Variants in CHD9 observed in about 807,000 individuals in gnomAD.
The protein encoded by CHD9 is ATP-dependent chromatin remodeler CHD9.
A neutral mutation model predicts 316.1 loss-of-function variants in CHD9; 77 were observed. The ratio of observed to expected loss-of-function variants is 0.24; its 90% confidence interval spans 0.20 to 0.29. The LOEUF (loss-of-function observed/expected upper bound fraction) is 0.29, where lower values mean the gene tolerates loss of function less well. Among genes scored for constraint, CHD9 ranks in the 10% least tolerant of loss-of-function variants. CHD9 has a pLI of 1.00. For missense variants in CHD9, 2,763 were observed against 3,438.1 expected (o/e 0.80, Z 4.91); for synonymous variants, 1,129 against 1,158.3 (o/e 0.97, Z 0.51).
chr16:53,057,776 C>T (rs977977948), intron 1 of CHD9, among the ~76,000 whole-genome samples: 4 of 152,294 alleles, frequency 2.6e-5, no homozygotes, highest in South Asian at 4.1e-4. Flanking sequence ...AGTCACCCAA[C>T]GTGCACATTT....
chr16:53,207,533 A>G (rs979438790), intron 2 of CHD9, among the ~76,000 whole-genome samples: 2 of 152,150 alleles, frequency 1.3e-5, no homozygotes, highest in African/African-American at 2.4e-5. Flanking sequence ...TCATTTCTGT[A>G]TTTTCAAAAT....
chr16:53,125,992 T>G (rs527392882), intron 1 of CHD9, among the ~76,000 whole-genome samples: 18 of 152,364 alleles, frequency 1.2e-4, no homozygotes, highest in African/African-American at 3.6e-4. Flanking sequence ...CTGAAAAGGT[T>G]TTCTATTTTG....
At chr16:53,267,793 C>T in intron 21 of CHD9, 134 bp from the exon 22 acceptor site, 1 of 691,156 alleles carries the variant, frequency 1.4e-6, no homozygotes, top group Non-Finnish European at 2.4e-6. Flanking sequence ...CCTCTACATT[C>T]TATGCATGGG....
chr16:53,055,564 C>T (rs1431367502), intron 1 of CHD9, among the ~76,000 whole-genome samples: 1 of 146,290 alleles, frequency 6.8e-6, no homozygotes, highest in African/African-American at 2.5e-5. Flanking sequence ...AAAATGTTTG[C>T]AAGAGATTCC....
At chr16:53,308,342 T>G (rs901053901) in intron 33 of CHD9, among the ~76,000 whole-genome samples, 1 of 152,208 alleles carries the variant, frequency 6.6e-6, no homozygotes, top group African/African-American at 2.4e-5. Context: ...TATTACTTAG[T>G]GTCTAAAACA....
intron 1 of CHD9, among the ~76,000 whole-genome samples, chr16:53,088,007 G>C (rs983399348): frequency 6.6e-6 from 1 of 152,138 alleles, no homozygotes; most frequent in South Asian, 2.1e-4. Context: ...AGGAGTGCAG[G>C]GGCTCATCTT....
intron 1 of CHD9, among the ~76,000 whole-genome samples, chr16:53,146,122 T>G (rs2040552119): frequency 6.7e-6 from 1 of 149,622 alleles, no homozygotes; most frequent in Non-Finnish European, 1.5e-5. Flanking sequence ...GCACAGTGGC[T>G]CACACCTGTA....
At chr16:53,187,610 A>G (rs2044137480) in intron 2 of CHD9, among the ~76,000 whole-genome samples, 2 of 152,222 alleles carry the variant, frequency 1.3e-5, no homozygotes, top group African/African-American at 2.4e-5. Context: ...AAGGAATTAA[A>G]GAAAGATAAT....
At chr16:53,247,238 T>C (rs2049715659) in intron 15 of CHD9, 55 bp from the exon 16 acceptor site, 2 of 1,253,860 alleles carry the variant, frequency 1.6e-6, no homozygotes, top group African/African-American at 1.5e-5. Flanking sequence ...AGGAAAGCAA[T>C]TGGGAATTTC....
chr16:53,208,229 C>T (rs1416978289), intron 2 of CHD9: 3 of 1,186,118 alleles, frequency 2.5e-6, no homozygotes, highest in Non-Finnish European at 2.1e-6. Context: ...CTAAATAGGC[C>T]ATTTAGGAAT....
At chr16:53,317,700 C>T (rs978491114) in intron 36 of CHD9, among the ~76,000 whole-genome samples, 8 of 152,018 alleles carry the variant, frequency 5.3e-5, no homozygotes, top group African/African-American at 1.9e-4. Flanking sequence ...CACCATATTG[C>T]CCGGGCTTAA....
intron 2 of CHD9, among the ~76,000 whole-genome samples, chr16:53,197,857 C>T (rs1193370541): frequency 6.6e-6 from 1 of 152,002 alleles, no homozygotes; most frequent in Non-Finnish European, 1.5e-5. Context: ...GGGGTTTCAC[C>T]ATGTTGGCCA....
intron 2 of CHD9, among the ~76,000 whole-genome samples, chr16:53,188,013 A>G (rs1420617090): frequency 6.6e-6 from 1 of 152,218 alleles, no homozygotes; most frequent in East Asian, 1.9e-4. Context: ...TTTATTCCTA[A>G]CACCCTAACC....
At chr16:53,100,095 T>C (rs1301644251) in intron 1 of CHD9, among the ~76,000 whole-genome samples, 2 of 152,162 alleles carry the variant, frequency 1.3e-5, no homozygotes, top group Non-Finnish European at 2.9e-5. Flanking sequence ...GATGCCATTG[T>C]GGCTGGGTGA....
At chr16:53,060,336 G>T (rs2032714286) in intron 1 of CHD9, among the ~76,000 whole-genome samples, 1 of 151,858 alleles carries the variant, frequency 6.6e-6, no homozygotes, top group African/African-American at 2.4e-5. Context: ...TAGGTAGGTT[G>T]GGTGCAGTGG....
intron 29 of CHD9, 129 bp from the exon 30 acceptor site, chr16:53,296,827 A>G (rs1186587529): frequency 1.7e-6 from 1 of 598,794 alleles, no homozygotes; most frequent in African/African-American, 1.9e-5. Flanking sequence ...CAAGGCAGCA[A>G]GCTTGTATTT....
At chr16:53,274,068 G>C in intron 23 of CHD9, 145 bp from the exon 24 acceptor site, 1 of 652,390 alleles carries the variant, frequency 1.5e-6, no homozygotes. Context: ...TATATATATG[G>C]TAGTAATAAG....
Position 53,238,471 on chromosome 16 carries a change from C to T in CHD9, c.2762C>T (p.Ala921Val), listed in dbSNP as rs765333551. ...ATTATTGCTCCACTTTCTACTATTG[C>T]AAACTGGGAGAGAGAATTTCGTACG... is the stretch of plus-strand genomic sequence containing the variant. ...FLIIAPLSTI[A>V]NWEREFRTWT... Residue 921 changes from alanine (A) to valine (V), a missense_variant, in exon 12 of 39, where the codon GCA becomes GTA. Ala to Val is a moderately conservative substitution (Grantham distance 64). Coordinates refer to ENST00000447540, the MANE Select transcript of CHD9 (RefSeq NM_001308319.2). 6.8e-6 allele frequency: 11 copies of T among 1,613,186 alleles called. No individual in the cohort carries two copies. In the African/African-American group the frequency reaches 8.0e-5, roughly 12 times the overall value.
At chr16:53,178,909 A>T (rs1330106568) in intron 2 of CHD9, among the ~76,000 whole-genome samples, 1 of 152,192 alleles carries the variant, frequency 6.6e-6, no homozygotes, top group Non-Finnish European at 1.5e-5. Flanking sequence ...GTTACTTGAG[A>T]AGCTGAGTTC....
Sources: allele counts gnomAD v4.1 joint callset (sites outside exome capture counted in the v4.1 genomes callset), GRCh38; gene constraint gnomAD v4.1.1; transcripts MANE v1.5; gene names NCBI Gene and HGNC (gene_info 2026-07-23, HGNC 2026-07-21).